RYR3: variants seen among roughly 807,000 people sequenced by gnomAD.
RYR3 encodes ryanodine receptor 3.
RYR3 carries 207 observed loss-of-function variants against 584.3 expected under a neutral mutation model. The observed-to-expected ratio is 0.35, with a 90% CI of 0.32 to 0.40. The LOEUF (loss-of-function observed/expected upper bound fraction) is 0.40. Ranked by LOEUF, RYR3 falls within the 10% of genes least tolerant of loss-of-function variation. RYR3 has a pLI of 1.00. For synonymous variants in RYR3, 2,416 were observed against 2,248.5 expected (o/e 1.07, Z -2.11); for missense variants, 5,616 against 6,089.2 (o/e 0.92, Z 2.59).
chr15:33,553,781 C>T (rs561440748), intron 10 of RYR3, among the ~76,000 whole-genome samples: 8 of 152,134 alleles, frequency 5.3e-5, no homozygotes, highest in African/African-American at 1.4e-4. Context: ...TAGCCTAGAT[C>T]GGGCCTTGAT....
At chr15:33,526,972 A>T (rs532036090) in intron 3 of RYR3, among the ~76,000 whole-genome samples, 1 of 152,312 alleles carries the variant, frequency 6.6e-6, no homozygotes, top group Admixed American at 6.5e-5. Context: ...AGAATATTGG[A>T]AGAGCATTTC....
intron 38 of RYR3, among the ~76,000 whole-genome samples, chr15:33,673,283 C>T (rs1273302472): frequency 6.6e-6 from 1 of 152,244 alleles, no homozygotes; most frequent in Non-Finnish European, 1.5e-5. Context: ...CGCAGTCCCT[C>T]TGCTGTGAGC....
intron 67 of RYR3, 116 bp downstream of exon 67, chr15:33,788,574 C>A: frequency 8.6e-7 from 1 of 1,165,324 alleles, no homozygotes; most frequent in East Asian, 2.6e-5. Context: ...AGGCGATAGC[C>A]GCCCCCACCA....
chr15:33,843,405 C>T, intron 91 of RYR3, 83 bp from the exon 92 acceptor site: 2 of 917,496 alleles, frequency 2.2e-6, no homozygotes, highest in Non-Finnish European at 3.5e-6. Context: ...AACTTCTAAC[C>T]AGAACTGACC....
intron 12 of RYR3, among the ~76,000 whole-genome samples, chr15:33,568,724 C>T (rs1362470978): frequency 6.6e-6 from 1 of 152,138 alleles, no homozygotes; most frequent in African/African-American, 2.4e-5. Flanking sequence ...AGCCACCATC[C>T]CTGGCCAATT....
chr15:33,565,499 T>A (rs1333189124), intron 11 of RYR3, among the ~76,000 whole-genome samples: 4 of 152,284 alleles, frequency 2.6e-5, no homozygotes. Context: ...AAGGAAGAGA[T>A]GTTTCACATG....
intron 1 of RYR3, among the ~76,000 whole-genome samples, chr15:33,410,560 A>G (rs2141477453): frequency 6.6e-6 from 1 of 152,356 alleles, no homozygotes; most frequent in South Asian, 2.1e-4. Flanking sequence ...CTCAGAAAGC[A>G]ATGAGAAGTC....
intron 80 of RYR3, among the ~76,000 whole-genome samples, chr15:33,822,507 G>A (rs1394911386): frequency 1.3e-5 from 2 of 152,142 alleles, no homozygotes; most frequent in Admixed American, 6.5e-5. Context: ...CACCTACCAC[G>A]AGATGTCAGT....
At position 33,840,889 on chromosome 15, in the gene RYR3, TTC is replaced by T. The variant is rs2078318215; in HGVS notation, c.13037+8_13037+9del. The T allele has an allele frequency of 6.2e-7, 1 of 1,613,456 alleles. No homozygotes were observed. Among genetic ancestry groups the T allele is most frequent in the Non-Finnish European group, 8.5e-7 (1 of 1,179,614 alleles). On this transcript the variant is annotated splice_region_variant and intron_variant, in intron 90 of 103. Transcript: ENST00000634891. ...GTAGAATCCGAGAAGGCAGAGTAAG[TTC>T]TTGGTAGCATCAACTACTCTCATTG...
At chr15:33,843,942 G>T (rs906914363) in intron 92 of RYR3, among the ~76,000 whole-genome samples, 3 of 152,136 alleles carry the variant, frequency 2.0e-5, no homozygotes, top group African/African-American at 7.2e-5. Context: ...ATTATAGTTG[G>T]CCTATTTGTT....
chr15:33,616,817 G>C (rs1356545590), intron 19 of RYR3, among the ~76,000 whole-genome samples: 7 of 152,226 alleles, frequency 4.6e-5, no homozygotes, highest in Non-Finnish European at 5.9e-5. Context: ...TTGAAGAGAG[G>C]TGGAACCACA....
In RYR3 at chr15:33,865,295, G is replaced by GTTCTGCAACATATCTGAAATGTGACATT; in HGVS notation, c.*74_*101dup. 1 of 1,046,876 alleles carries GTTCTGCAACATATCTGAAATGTGACATT rather than the reference G, an allele frequency of 9.6e-7. No individual in the cohort carries two copies. The highest frequency in any genetic ancestry group is 1.4e-6 in the Non-Finnish European group (1 of 695,972). The allele number at this position is 1,046,876 out of a possible 1,614,324, so 64.8% of individuals were successfully genotyped here. A position where few individuals can be genotyped will look rare whatever the true frequency, so the allele number is the denominator to read the frequency against. On this transcript the variant is annotated 3_prime_UTR_variant, in exon 104 of 104. Transcript: ENST00000634891. ...CATGAAATAAAGTCCCCTTTTTACA[G>GTTCTGCAACATATCTGAAATGTGACATT]TTCTGCAACATATCTGAAATGTGAC...
chr15:33,405,863 AG>A (rs2042983638), intron 1 of RYR3, among the ~76,000 whole-genome samples: 1 of 152,134 alleles, frequency 6.6e-6, no homozygotes, highest in Non-Finnish European at 1.5e-5. Context: ...CTTCATTCTT[AG>A]GCAGCTTCTC....
In RYR3 at chr15:33,759,118, C is replaced by G. The variant is rs527808112; in HGVS notation, c.8705+1522C>G. Among the ~76,000 whole-genome samples, 10 of 152,256 alleles carry G rather than the reference C, an allele frequency of 6.6e-5. No individual in the cohort carries two copies. The East Asian group carries it at 1.3e-3, about 21-fold the overall frequency. On this transcript the variant is annotated intron_variant, in intron 60 of 103. Transcript: ENST00000634891. Reference sequence around the variant, plus strand: ...GCATCAACATCAACAAAAACGACACCCATGCAAAAGCTCCATCCAAAGGTC... The same window carrying G: ...GCATCAACATCAACAAAAACGACACGCATGCAAAAGCTCCATCCAAAGGTC...
chr15:33,358,066 T>C (rs961448835), intron 1 of RYR3, among the ~76,000 whole-genome samples: 3 of 152,348 alleles, frequency 2.0e-5, no homozygotes, highest in Middle Eastern at 3.4e-3. Context: ...AATTACTTTC[T>C]TCTAAGCTGG....
intron 1 of RYR3, among the ~76,000 whole-genome samples, chr15:33,415,686 T>C (rs2043753380): frequency 6.6e-6 from 1 of 151,876 alleles, no homozygotes; most frequent in African/African-American, 2.4e-5. Flanking sequence ...ATTTAGTTTT[T>C]TACAAGACAT....
intron 36 of RYR3, among the ~76,000 whole-genome samples, chr15:33,666,766 T>C (rs1436239164): frequency 6.6e-6 from 1 of 152,198 alleles, no homozygotes; most frequent in Non-Finnish European, 1.5e-5. Flanking sequence ...TGCTGGCAAG[T>C]TAGCCAAGCA....
At chr15:33,850,874 TA>T (rs1373122180) in intron 94 of RYR3, 3 of 152,174 alleles carry the variant, frequency 2.0e-5, no homozygotes, top group African/African-American at 7.2e-5. Context: ...AATTCTTAAA[TA>T]ATTAGCAATC....
At chr15:33,362,413 TCAGCAGCAG>T (rs979552217) in intron 1 of RYR3, among the ~76,000 whole-genome samples, 15 of 152,024 alleles carry the variant, frequency 9.9e-5, no homozygotes, top group Non-Finnish European at 1.8e-4. Context: ...ATCATCATCA[TCAGCAGCAG>T]CAGCAGCAGC....
Sources: allele counts gnomAD v4.1 joint callset (sites outside exome capture counted in the v4.1 genomes callset), GRCh38; gene constraint gnomAD v4.1.1; transcripts MANE v1.5; gene names NCBI Gene and HGNC (gene_info 2026-07-23, HGNC 2026-07-21).